Variants in PGM2L1 observed in about 807,000 individuals in gnomAD.
The protein encoded by PGM2L1 is glucose 1,6-bisphosphate synthase.
A neutral mutation model predicts 73.4 loss-of-function variants in PGM2L1; 35 were observed. That is an observed-to-expected ratio of 0.48 (90% confidence interval 0.36 to 0.63). The LOEUF (loss-of-function observed/expected upper bound fraction) is 0.63, where lower values mean the gene tolerates loss of function less well. Among genes scored for constraint, PGM2L1 ranks in the 30% least tolerant of loss-of-function variants. PGM2L1 has a pLI of 0.00. For synonymous variants in PGM2L1, 225 were observed against 253.8 expected (o/e 0.89, Z 1.08); for missense variants, 570 against 742.0 (o/e 0.77, Z 2.69).
chr11:74,384,029 T>C (rs1418358238), intron 1 of PGM2L1, among the ~76,000 whole-genome samples: 1 of 151,846 alleles, frequency 6.6e-6, no homozygotes, highest in East Asian at 1.9e-4. Context: ...GGAAATTTCA[T>C]AGTAACTATC....
intron 5 of PGM2L1, among the ~76,000 whole-genome samples, chr11:74,361,731 A>C (rs1862566709): frequency 6.6e-6 from 1 of 152,244 alleles, no homozygotes; most frequent in African/African-American, 2.4e-5. Context: ...AAACCATGTC[A>C]TGAGAACTAC....
intron 1 of PGM2L1, among the ~76,000 whole-genome samples, chr11:74,390,852 T>A (rs911412081): frequency 2.0e-5 from 3 of 152,162 alleles, no homozygotes; most frequent in Non-Finnish European, 4.4e-5. Context: ...AAGCTAGTCA[T>A]AGAAAGACAA....
intron 13 of PGM2L1, among the ~76,000 whole-genome samples, chr11:74,337,685 A>C (rs1862118585): frequency 6.6e-6 from 1 of 152,236 alleles, no homozygotes; most frequent in African/African-American, 2.4e-5. Flanking sequence ...TAGACATAGA[A>C]AATGGATATT....
chr11:74,383,113 G>A (rs1862970557), intron 1 of PGM2L1, among the ~76,000 whole-genome samples: 1 of 152,076 alleles, frequency 6.6e-6, no homozygotes, highest in Non-Finnish European at 1.5e-5. Context: ...TAGTCATAAG[G>A]ATATTCACTA....
At chr11:74,337,930 T>C (rs188206825) in intron 13 of PGM2L1, among the ~76,000 whole-genome samples, 1 of 152,104 alleles carries the variant, frequency 6.6e-6, no homozygotes, top group Admixed American at 6.6e-5. Context: ...AAACATACAT[T>C]CACACAAAAA....
intron 2 of PGM2L1, 126 bp from the exon 3 acceptor site, chr11:74,371,943 G>T (rs1862766436): frequency 2.7e-6 from 2 of 737,894 alleles, no homozygotes; most frequent in Non-Finnish European, 4.7e-6. Context: ...CTGCCTTTAT[G>T]CCCATGTTTA....
chr11:74,349,089 G>C (rs1397935292), intron 6 of PGM2L1, among the ~76,000 whole-genome samples: 1 of 152,090 alleles, frequency 6.6e-6, no homozygotes, highest in Non-Finnish European at 1.5e-5. Context: ...TCACAACATA[G>C]TGATTTTGAA....
At chr11:74,348,957 G>C (rs916417229) in intron 6 of PGM2L1, among the ~76,000 whole-genome samples, 1 of 152,118 alleles carries the variant, frequency 6.6e-6, no homozygotes, top group African/African-American at 2.4e-5. Context: ...TTTTAATGCT[G>C]TCAAACTAAG....
chr11:74,389,351 G>A (rs1373992113), intron 1 of PGM2L1, among the ~76,000 whole-genome samples: 1 of 151,984 alleles, frequency 6.6e-6, no homozygotes, highest in African/African-American at 2.4e-5. Flanking sequence ...AGTAAAACCT[G>A]GAAGAATCAA....
intron 1 of PGM2L1, among the ~76,000 whole-genome samples, chr11:74,396,102 T>G (rs1035520482): frequency 8.6e-5 from 13 of 151,566 alleles, no homozygotes; most frequent in Non-Finnish European, 1.8e-4. Flanking sequence ...AAAAAAAATT[T>G]TTTTTAATTA....
intron 9 of PGM2L1, 140 bp from the exon 10 acceptor site, chr11:74,343,556 C>T: frequency 2.3e-6 from 3 of 1,280,946 alleles, no homozygotes; most frequent in Non-Finnish European, 3.1e-6. Flanking sequence ...TATACAGTAG[C>T]AGACATATAG....
At position 74,395,549 on chromosome 11, in the gene PGM2L1, C is replaced by CTTTTTT. The variant is rs60883108; in HGVS notation, c.111+2496_111+2501dup. On this transcript the variant is annotated intron_variant, in intron 1 of 13. Coordinates refer to ENST00000298198, the MANE Select transcript of PGM2L1 (RefSeq NM_173582.6). ...TACAGGCACGTGACACCTCGCCTGGCTTTTTTTTTTTTTTTTTTTTTTTTT... is the reference window on the plus strand; with the variant it reads ...TACAGGCACGTGACACCTCGCCTGGCTTTTTTTTTTTTTTTTTTTTTTTTTTTTTTT... 6.5e-3 allele frequency among the ~76,000 whole-genome samples: 419 copies of CTTTTTT among 64,958 alleles called. 4 individuals carry two copies. The highest frequency in any genetic ancestry group is 0.016 in the East Asian group (24 of 1,474). The allele number at this position is 64,958 out of a possible 152,430, so 42.6% of individuals were successfully genotyped here.
chr11:74,386,228 G>A (rs747527640), intron 1 of PGM2L1, among the ~76,000 whole-genome samples: 16 of 151,834 alleles, frequency 1.1e-4, no homozygotes, highest in Non-Finnish European at 1.9e-4. Flanking sequence ...GATATGAATA[G>A]TTCATAGAAA....
intron 5 of PGM2L1, among the ~76,000 whole-genome samples, chr11:74,361,747 G>A (rs1301044011): frequency 1.3e-5 from 2 of 152,200 alleles, no homozygotes; most frequent in Middle Eastern, 3.2e-3. Context: ...ACTACGTGAC[G>A]AATGCACAAG....
intron 1 of PGM2L1, among the ~76,000 whole-genome samples, chr11:74,396,309 G>A (rs1350758881): frequency 2.0e-5 from 3 of 150,250 alleles, no homozygotes; most frequent in Non-Finnish European, 4.4e-5. Context: ...ATTAGGAAAA[G>A]TACAGTTAAA....
intron 6 of PGM2L1, 31 bp from the exon 7 acceptor site, chr11:74,347,368 T>G (rs1862283127): frequency 6.8e-7 from 1 of 1,480,978 alleles, no homozygotes. Context: ...AAGATCATGA[T>G]TACAAAACCT....
chr11:74,381,352 TC>T (rs912692865), intron 1 of PGM2L1, among the ~76,000 whole-genome samples: 1 of 152,000 alleles, frequency 6.6e-6, no homozygotes, highest in Non-Finnish European at 1.5e-5. Context: ...CACTCCTCTT[TC>T]CCCATTTACC....
intron 1 of PGM2L1, among the ~76,000 whole-genome samples, chr11:74,381,233 A>G (rs779903667): frequency 6.6e-6 from 1 of 152,166 alleles, no homozygotes; most frequent in Non-Finnish European, 1.5e-5. Context: ...CCTGGGCACC[A>G]TGCCAGCCTC....
intron 1 of PGM2L1, chr11:74,397,430 A>G (rs985990631): frequency 2.6e-5 from 4 of 152,244 alleles, no homozygotes; most frequent in Non-Finnish European, 5.9e-5. Flanking sequence ...TAAGAGTACC[A>G]CATGAAACCT....
Sources: allele counts gnomAD v4.1 joint callset (sites outside exome capture counted in the v4.1 genomes callset), GRCh38; gene constraint gnomAD v4.1.1; transcripts MANE v1.5; gene names NCBI Gene and HGNC (gene_info 2026-07-23, HGNC 2026-07-21).